Variants in PAQR5 observed in about 807,000 individuals in gnomAD.
PAQR5 encodes membrane progestin receptor gamma.
Under a neutral mutation model 34.5 loss-of-function variants are expected in PAQR5, and 20 were observed. The ratio of observed to expected loss-of-function variants is 0.58; its 90% confidence interval spans 0.41 to 0.84. The LOEUF is 0.84. PAQR5 is among the 40% of genes least tolerant of loss of function. The pLI is 0.00. For synonymous variants in PAQR5, 131 were observed against 155.6 expected (o/e 0.84, Z 1.18); for missense variants, 378 against 412.7 (o/e 0.92, Z 0.73).
intron 1 of PAQR5, among the ~76,000 whole-genome samples, chr15:69,305,110 G>T (rs904327658): frequency 6.6e-6 from 1 of 152,164 alleles, no homozygotes; most frequent in African/African-American, 2.4e-5. Flanking sequence ...TTCTGTGTTT[G>T]TGGTGGGCGG....
chr15:69,299,383 G>A (rs944164916), intron 1 of PAQR5, among the ~76,000 whole-genome samples: 1 of 152,172 alleles, frequency 6.6e-6, no homozygotes, highest in Non-Finnish European at 1.5e-5. Flanking sequence ...CGTTTGCGCC[G>A]CTTATCCTTC....
intron 6 of PAQR5, among the ~76,000 whole-genome samples, chr15:69,396,628 T>G (rs2140244420): frequency 6.6e-6 from 1 of 152,262 alleles, no homozygotes; most frequent in South Asian, 2.1e-4. Context: ...CATGAGCACT[T>G]CCTTACCCAG....
At chr15:69,303,716 A>T (rs1376451971) in intron 1 of PAQR5, among the ~76,000 whole-genome samples, 1 of 152,092 alleles carries the variant, frequency 6.6e-6, no homozygotes, top group Non-Finnish European at 1.5e-5. Context: ...GGGATAACCG[A>T]CCAGTCTGAG....
rs2056579986 is a variant in PAQR5 at position 69,400,176 on chromosome 15, C to T, written c.751+61C>T. ...CCCTCCTGACTGGGGAGGGTCCTGT[C>T]CCTGACTCCAGTGCACGTAGCTGCA... On this transcript the variant is annotated intron_variant, in intron 8 of 8. Coordinates refer to ENST00000395407, the MANE Select transcript of PAQR5 (RefSeq NM_017705.4). 5 of 1,522,364 alleles carry T rather than the reference C, an allele frequency of 3.3e-6. No individual in the cohort carries two copies. In the Admixed American group the frequency reaches 9.7e-5, roughly 29 times the overall value. The allele number at this position is 1,522,364 out of a possible 1,614,324, so 94.3% of individuals were successfully genotyped here.
chr15:69,371,910 T>C (rs1391940309), intron 3 of PAQR5, among the ~76,000 whole-genome samples: 1 of 152,244 alleles, frequency 6.6e-6, no homozygotes, highest in Admixed American at 6.5e-5. Flanking sequence ...GAATTTTCTG[T>C]TACACTGATT....
intron 3 of PAQR5, among the ~76,000 whole-genome samples, chr15:69,366,714 A>G (rs1428426914): frequency 6.6e-6 from 1 of 152,174 alleles, no homozygotes; most frequent in Non-Finnish European, 1.5e-5. Flanking sequence ...TGTCCATAAG[A>G]TCAATTATCT....
Position 69,391,715 on chromosome 15 carries a change from T to A in PAQR5, c.512+1935T>A, listed in dbSNP as rs1444752395. On this transcript the variant is annotated intron_variant, in intron 6 of 8. Coordinates refer to ENST00000395407, the MANE Select transcript of PAQR5 (RefSeq NM_017705.4). ...GATTAGACAGGGAGAGTACCACAGG[T>A]TGAGGGGGCAGAGGAGGAAGAGAAG... is the stretch of plus-strand genomic sequence containing the variant. 6.6e-6 allele frequency: 3 copies of A among 455,498 alleles called. No individual in the cohort carries two copies. In the Admixed American group the frequency reaches 7.1e-5, roughly 11 times the overall value. The allele number at this position is 455,498 out of a possible 1,614,324, so 28.2% of individuals were successfully genotyped here. A position where few individuals can be genotyped will look rare whatever the true frequency, so the allele number is the denominator to read the frequency against.
At chr15:69,392,510 G>A (rs1567039891) in intron 6 of PAQR5, among the ~76,000 whole-genome samples, 2 of 151,966 alleles carry the variant, frequency 1.3e-5, no homozygotes, top group Non-Finnish European at 2.9e-5. Context: ...CTACACACCC[G>A]CCCACCCATC....
At chr15:69,341,045 A>T (rs529535553) in intron 2 of PAQR5, among the ~76,000 whole-genome samples, 1 of 152,328 alleles carries the variant, frequency 6.6e-6, no homozygotes, top group South Asian at 2.1e-4. Flanking sequence ...CTAAGCACTT[A>T]AAAATGTGTA....
At chr15:69,338,741 C>T (rs762205875) in intron 2 of PAQR5, among the ~76,000 whole-genome samples, 6 of 152,234 alleles carry the variant, frequency 3.9e-5, no homozygotes, top group Non-Finnish European at 8.8e-5. Context: ...TCGAACTTAA[C>T]TGACTCCATC....
chr15:69,311,630 C>T (rs1027011057), intron 1 of PAQR5, among the ~76,000 whole-genome samples: 1 of 152,158 alleles, frequency 6.6e-6, no homozygotes, highest in African/African-American at 2.4e-5. Context: ...CTCTACGCCC[C>T]AGTGCCCACA....
chr15:69,346,305 T>TG (rs1283940504), intron 2 of PAQR5, among the ~76,000 whole-genome samples: 6 of 133,554 alleles, frequency 4.5e-5, no homozygotes, highest in African/African-American at 1.7e-4. Flanking sequence ...TAATTTTTTT[T>TG]TTTTTTTTTT....
chr15:69,302,736 C>T (rs374294722), intron 1 of PAQR5, among the ~76,000 whole-genome samples: 4 of 152,248 alleles, frequency 2.6e-5, no homozygotes, highest in Admixed American at 1.3e-4. Context: ...TGGAGGAAGC[C>T]GCTGAGAGAC....
chr15:69,373,770 A>AT (rs1434847530), intron 3 of PAQR5, among the ~76,000 whole-genome samples: 1 of 152,042 alleles, frequency 6.6e-6, no homozygotes, highest in Non-Finnish European at 1.5e-5. Context: ...TGTCCCACTA[A>AT]TTTTTGTAGT....
chr15:69,358,837 A>G (rs904232469), intron 2 of PAQR5, among the ~76,000 whole-genome samples: 3 of 151,868 alleles, frequency 2.0e-5, no homozygotes, highest in Non-Finnish European at 2.9e-5. Context: ...GCTGGTCTTG[A>G]ACTCTGGGGC....
intron 3 of PAQR5, among the ~76,000 whole-genome samples, chr15:69,368,377 A>G (rs1456240471): frequency 2.6e-5 from 4 of 152,194 alleles, no homozygotes; most frequent in African/African-American, 9.6e-5. Flanking sequence ...GCCTAGAAGT[A>G]ACATTAACTG....
At chr15:69,346,214 C>A (rs1457743646) in intron 2 of PAQR5, among the ~76,000 whole-genome samples, 1 of 148,928 alleles carries the variant, frequency 6.7e-6, no homozygotes, top group East Asian at 2.0e-4. Context: ...ATTTTATGCT[C>A]AATCATAACT....
Position 69,360,052 on chromosome 15 carries a change from C to T in PAQR5, c.-29C>T, listed in dbSNP as rs1567019995. On this transcript the variant is annotated 5_prime_UTR_variant, in exon 3 of 9. Transcript: ENST00000395407. ...GCCTGGTAACAGGGAGGCGCTGTCA[C>T]CTACTGGCCTTGCCAATCCAGCTCC... 6.2e-7 allele frequency: 1 copy of T among 1,607,112 alleles called. No individual in the cohort carries two copies. Among genetic ancestry groups the T allele is most frequent in the African/African-American group, 1.3e-5 (1 of 74,810 alleles).
intron 1 of PAQR5, among the ~76,000 whole-genome samples, chr15:69,320,241 G>A (rs1025347030): frequency 3.3e-5 from 5 of 152,250 alleles, no homozygotes; most frequent in African/African-American, 1.2e-4. Flanking sequence ...TTGGCACCCT[G>A]GTGCTAGATC....
Sources: allele counts gnomAD v4.1 joint callset (sites outside exome capture counted in the v4.1 genomes callset), GRCh38; gene constraint gnomAD v4.1.1; transcripts MANE v1.5; gene names NCBI Gene and HGNC (gene_info 2026-07-23, HGNC 2026-07-21).